Variants in MYO5A observed in about 807,000 individuals in gnomAD.
MYO5A encodes the protein myosin VA.
MYO5A carries 98 observed loss-of-function variants against 249.7 expected under a neutral mutation model. The observed-to-expected ratio is 0.39, with a 90% CI of 0.33 to 0.46. MYO5A has a LOEUF of 0.46. MYO5A is among the 20% of genes least tolerant of loss of function. The pLI, the probability that MYO5A is intolerant of heterozygous loss-of-function variation, is 0.98. For missense variants in MYO5A, 1,696 were observed against 2,308.8 expected, an observed-to-expected ratio of 0.73 and a Z score of 5.44; for synonymous variants, 778 against 810.6, an observed-to-expected ratio of 0.96 and a Z score of 0.68.
intron 9 of MYO5A, among the ~76,000 whole-genome samples, chr15:52,400,119 C>T (rs2141197149): frequency 6.6e-6 from 1 of 151,984 alleles, no homozygotes; most frequent in Non-Finnish European, 1.5e-5. Context: ...TTTTGGTTGT[C>T]CTACTTTTCA....
chr15:52,443,198 C>G (rs183364510), intron 1 of MYO5A, among the ~76,000 whole-genome samples: 34 of 152,250 alleles, frequency 2.2e-4, no homozygotes, highest in Admixed American at 2.0e-3. Context: ...AAAGCCATGC[C>G]AATCAGCTTG....
chr15:52,356,823 T>TGCTCTTGTTTC (rs1555432798), intron 25 of MYO5A, among the ~76,000 whole-genome samples: 1 of 127,788 alleles, frequency 7.8e-6, no homozygotes, highest in African/African-American at 4.3e-5. Context: ...TTTTTTATTT[T>TGCTCTTGTTTC]CAGGAATTGT....
chr15:52,379,876 C>T lies in MYO5A; in HGVS notation c.2045G>A (p.Arg682Lys), dbSNP rs2041641419. ...GATGGTTTCCAGGACACCACATGCT[C>T]TCAGCTGCTGCACTGCCCTCTTCTC... ...FDEKRAVQQL[R>K]ACGVLETIRI... is the part of the protein sequence containing the mutation. The change falls in exon 17 of 42, where the codon AGA (arginine) becomes AAA (lysine). Residue 682 changes from arginine (R) to lysine (K), a missense_variant. Arg to Lys is a conservative substitution (Grantham distance 26). Coordinates refer to ENST00000399233, the MANE Select transcript of MYO5A (RefSeq NM_001382347.1). 6.2e-7 allele frequency: 1 copy of T among 1,614,154 alleles called. No homozygotes were observed. The highest frequency in any genetic ancestry group is 8.5e-7 in the Non-Finnish European group (1 of 1,179,992).
intron 20 of MYO5A, among the ~76,000 whole-genome samples, chr15:52,375,052 G>A (rs2041334353): frequency 6.6e-6 from 1 of 152,098 alleles, no homozygotes; most frequent in Admixed American, 6.6e-5. Context: ...AGCCACAGTG[G>A]GAAGACTGCT....
intron 12 of MYO5A, among the ~76,000 whole-genome samples, chr15:52,390,768 C>G (rs1405374904): frequency 6.6e-6 from 1 of 152,026 alleles, no homozygotes; most frequent in South Asian, 2.1e-4. Flanking sequence ...CCATATTGCC[C>G]AGGCTGGTCT....
intron 1 of MYO5A, among the ~76,000 whole-genome samples, chr15:52,449,844 GA>G (rs2075977421): frequency 6.6e-6 from 1 of 152,022 alleles, no homozygotes; most frequent in South Asian, 2.1e-4. Flanking sequence ...TACAAAAAAT[GA>G]ACAGAATTAG....
At chr15:52,396,668 G>T (rs2042501047) in intron 10 of MYO5A, among the ~76,000 whole-genome samples, 1 of 151,542 alleles carries the variant, frequency 6.6e-6, no homozygotes. Flanking sequence ...ATGAGTTTTT[G>T]AGGGCTCATT....
intron 23 of MYO5A, among the ~76,000 whole-genome samples, chr15:52,366,107 T>C (rs1182528094): frequency 6.6e-6 from 1 of 152,176 alleles, no homozygotes; most frequent in Non-Finnish European, 1.5e-5. Context: ...TGGGTATCTT[T>C]AGGCTCCCTT....
chr15:52,413,147 CAAAAAAAAAAAAA>C (rs767059579), intron 5 of MYO5A, among the ~76,000 whole-genome samples: 1 of 66,166 alleles, frequency 1.5e-5, no homozygotes, highest in Non-Finnish European at 3.0e-5. Flanking sequence ...AACTCTGTCT[CAAAAAAAAAAAAA>C]AAAAAAAAAA....
intron 2 of MYO5A, among the ~76,000 whole-genome samples, chr15:52,429,060 A>C (rs541997241): frequency 3.9e-5 from 6 of 152,272 alleles, no homozygotes; most frequent in African/African-American, 1.2e-4. Context: ...TAAAAAAGTA[A>C]ATGAGGCAAG....
intron 1 of MYO5A, among the ~76,000 whole-genome samples, chr15:52,481,850 G>T (rs1330569671): frequency 6.6e-6 from 1 of 152,194 alleles, no homozygotes; most frequent in African/African-American, 2.4e-5. Flanking sequence ...CTTGATGAAA[G>T]AATTGGCTAG....
chr15:52,469,355 A>G (rs2076412572), intron 1 of MYO5A, among the ~76,000 whole-genome samples: 1 of 152,226 alleles, frequency 6.6e-6, no homozygotes, highest in African/African-American at 2.4e-5. Flanking sequence ...TTTTTACAAT[A>G]AAGTAAGCTA....
At chr15:52,389,582 C>T (rs1054533915) in intron 12 of MYO5A, among the ~76,000 whole-genome samples, 2 of 152,268 alleles carry the variant, frequency 1.3e-5, no homozygotes, top group Admixed American at 6.5e-5. Flanking sequence ...GGCAACCCAG[C>T]CCAATCTTTG....
At chr15:52,384,060 C>G in intron 15 of MYO5A, 101 bp downstream of exon 15, 1 of 1,452,258 alleles carries the variant, frequency 6.9e-7, no homozygotes, top group Non-Finnish European at 9.6e-7. Flanking sequence ...CTAGGCTCTC[C>G]TCACCTGAGG....
intron 3 of MYO5A, among the ~76,000 whole-genome samples, chr15:52,427,399 T>C (rs964227496): frequency 6.6e-6 from 1 of 151,748 alleles, no homozygotes; most frequent in Non-Finnish European, 1.5e-5. Context: ...TCAGATTAAA[T>C]TGTAATAAGG....
rs755066982 is a variant in MYO5A, at chr15:52,370,427, T to C, written c.2818-10A>G. ...ATTTGTAGTCTTTGTTCTTTAAACA[T>C]ACACATAAGTAACAATAAGTAAATA... On this transcript the variant is annotated splice_polypyrimidine_tract_variant and intron_variant, in intron 21 of 41. Coordinates refer to ENST00000399233, the MANE Select transcript of MYO5A (RefSeq NM_001382347.1). The C allele has an allele frequency of 1.2e-6, 2 of 1,603,630 alleles. No individual in the cohort carries two copies. The highest frequency in any genetic ancestry group is 1.7e-6 in the Non-Finnish European group (2 of 1,170,736).
chr15:52,357,300 A>G (rs1305859984), intron 25 of MYO5A, among the ~76,000 whole-genome samples: 4 of 152,102 alleles, frequency 2.6e-5, no homozygotes, highest in Admixed American at 2.6e-4. Flanking sequence ...ACACTGTCAT[A>G]GAACCTTTCA....
intron 4 of MYO5A, 62 bp from the exon 5 acceptor site, chr15:52,416,363 G>T: frequency 6.5e-7 from 1 of 1,540,708 alleles, no homozygotes; most frequent in Non-Finnish European, 8.9e-7. Context: ...GATTGATAAG[G>T]GAAACTATGG....
At chr15:52,445,417 T>C (rs542536053) in intron 1 of MYO5A, among the ~76,000 whole-genome samples, 2 of 152,236 alleles carry the variant, frequency 1.3e-5, no homozygotes, top group African/African-American at 4.8e-5. Context: ...ACCCCTTTTC[T>C]TATAACTTAC....
Sources: allele counts gnomAD v4.1 joint callset (sites outside exome capture counted in the v4.1 genomes callset), GRCh38; gene constraint gnomAD v4.1.1; transcripts MANE v1.5; gene names NCBI Gene and HGNC (gene_info 2026-07-23, HGNC 2026-07-21).